The following MYO1F variants were observed in gnomAD, a reference collection of about 807,000 sequenced individuals.
The protein encoded by MYO1F is myosin IF, also known as unconventional myosin-If.
In MYO1F, 60 loss-of-function variants were observed where a neutral mutation model predicts 146.6. The ratio of observed to expected loss-of-function variants is 0.41; its 90% confidence interval spans 0.33 to 0.51. The LOEUF (loss-of-function observed/expected upper bound fraction) is 0.51, where lower values mean the gene tolerates loss of function less well. Among genes scored for constraint, MYO1F ranks in the 20% least tolerant of loss-of-function variants. MYO1F has a pLI of 0.25. For synonymous variants in MYO1F, 602 were observed against 602.1 expected (o/e 1.00, Z 0.00); for missense variants, 1,274 against 1,534.3 (o/e 0.83, Z 2.83).
intron 14 of MYO1F, among the ~76,000 whole-genome samples, chr19:8,543,861 GTGGTGCTGGTGGTGC>G (rs1973161056): frequency 1.0e-4 from 6 of 59,034 alleles, no homozygotes; most frequent in African/African-American, 5.2e-4. Context: ...GGTGGTGCTG[GTGGTGCTGGTGGTGC>G]TGGTGGTGGT....
chr19:8,544,491 G>A (rs547705203), intron 13 of MYO1F, 27 bp from the exon 14 acceptor site: 24 of 1,597,766 alleles, frequency 1.5e-5, no homozygotes, highest in South Asian at 7.7e-5. Flanking sequence ...AGCCAGCAGC[G>A]GCTCAGTTTG....
chr19:8,522,966 G>A (rs928151529), intron 25 of MYO1F, 137 bp from the exon 26 acceptor site: 5 of 712,784 alleles, frequency 7.0e-6, no homozygotes, highest in African/African-American at 1.8e-5. Context: ...TGGGCCAGAC[G>A]GAGGGACTCT....
chr19:8,537,875 T>C (rs975457135), intron 16 of MYO1F, among the ~76,000 whole-genome samples: 1 of 152,188 alleles, frequency 6.6e-6, no homozygotes. Flanking sequence ...ATTACAGGTC[T>C]GAGCCACTGT....
intron 15 of MYO1F, 97 bp downstream of exon 15, chr19:8,541,809 G>T: frequency 1.8e-6 from 2 of 1,115,264 alleles, no homozygotes; most frequent in South Asian, 1.2e-5. Flanking sequence ...AGTTTGTGGC[G>T]AGATGGCAGT....
intron 1 of MYO1F, among the ~76,000 whole-genome samples, chr19:8,568,828 G>A (rs2042057200): frequency 6.6e-6 from 1 of 152,098 alleles, no homozygotes; most frequent in Admixed American, 6.6e-5. Context: ...GGCTGAGGCA[G>A]GGGAATTGCT....
At chr19:8,534,135 C>T (rs906726279) in intron 19 of MYO1F, among the ~76,000 whole-genome samples, 10 of 149,070 alleles carry the variant, frequency 6.7e-5, no homozygotes, top group African/African-American at 2.2e-4. Context: ...GCCAAGATTG[C>T]GCCATTCCAC....
At position 8,539,009 on chromosome 19, in the gene MYO1F, G is replaced by A. The variant is rs140769387; in HGVS notation, c.1692+938C>T. Among the ~76,000 whole-genome samples the A allele has an allele frequency of 2.8e-3, 424 of 152,274 alleles. 1 individual carries two copies. Among genetic ancestry groups the A allele is most frequent in the Non-Finnish European group, 4.6e-3 (314 of 68,026 alleles). ...GGTTAAAATATTATTAGATAGGCTG[G>A]GTACAGTGGCTCACGCCTGTAATCC... On this transcript the variant is annotated intron_variant, in intron 16 of 27. Transcript: ENST00000644032.
intron 25 of MYO1F, among the ~76,000 whole-genome samples, chr19:8,524,003 C>T (rs1305495805): frequency 6.6e-6 from 1 of 150,978 alleles, no homozygotes; most frequent in Non-Finnish European, 1.5e-5. Context: ...CCTGTAGTCC[C>T]AGCTACTCGG....
intron 25 of MYO1F, among the ~76,000 whole-genome samples, chr19:8,524,995 C>T (rs979366193): frequency 6.6e-6 from 1 of 151,854 alleles, no homozygotes; most frequent in Non-Finnish European, 1.5e-5. Context: ...GTCAGGAGTT[C>T]GAGACCAGCC....
At chr19:8,545,789 C>A (rs1195886446) in intron 12 of MYO1F, 53 bp from the exon 13 acceptor site, 2 of 1,309,036 alleles carry the variant, frequency 1.5e-6, no homozygotes, top group East Asian at 2.3e-5. Flanking sequence ...TTGTGGCCAC[C>A]CTTCCCCCCA....
chr19:8,525,248 A>G (rs2145824595), intron 25 of MYO1F: 2 of 334,846 alleles, frequency 6.0e-6, no homozygotes, highest in Non-Finnish European at 1.2e-5. Flanking sequence ...GCAGGAGTGT[A>G]GGGTAGGAGG....
In MYO1F at chr19:8,550,158, G is replaced by A. The variant is rs370637953; in HGVS notation, c.1101+2C>T. On this transcript the variant is annotated splice_donor_variant, in intron 10 of 27. Transcript: ENST00000644032. LOFTEE classifies it low-confidence loss of function (GC_TO_GT_DONOR). The stretch of plus-strand genomic sequence containing the variant: ...CTGCCTTCCAGCCCCAGCCCCACTC[G>A]CCTCCACGAGGAAGTCGAAGAGGCG... 5.1e-5 allele frequency: 83 copies of A among 1,613,672 alleles called. 1 individual carries two copies. The highest frequency in any genetic ancestry group is 1.7e-4 in the Admixed American group (10 of 60,002).
chr19:8,537,842 C>T (rs1972793442), intron 16 of MYO1F, among the ~76,000 whole-genome samples: 1 of 152,140 alleles, frequency 6.6e-6, no homozygotes, highest in African/African-American at 2.4e-5. Context: ...CGATCAACTG[C>T]CTTAGCCTCC....
At position 8,554,806 on chromosome 19, in the gene MYO1F, C is replaced by T. The variant is rs2145926646; in HGVS notation, c.142-63G>A. On this transcript the variant is annotated intron_variant, in intron 2 of 27. Transcript: ENST00000644032. ...GTTTTGTCCTCCCTGTCCCCTCATC[C>T]TGCCCCCACCCAGGGCTTCCTAAAA... The T allele has an allele frequency of 3.5e-6, 5 of 1,446,370 alleles. No homozygotes were observed. The South Asian group carries it at 4.6e-5, about 13-fold the overall frequency. 89.6% of individuals were successfully genotyped at this position (1,446,370 alleles called of 1,614,324 possible).
At chr19:8,533,546 A>G (rs1379732857) in intron 19 of MYO1F, among the ~76,000 whole-genome samples, 1 of 149,906 alleles carries the variant, frequency 6.7e-6, no homozygotes, top group East Asian at 2.0e-4. Flanking sequence ...TTTAGTAGAG[A>G]CATAGTTTTG....
intron 15 of MYO1F, among the ~76,000 whole-genome samples, chr19:8,541,087 G>A (rs1191313265): frequency 6.6e-6 from 1 of 152,012 alleles, no homozygotes; most frequent in African/African-American, 2.4e-5. Context: ...AGGCTCAAGT[G>A]ATCCTTCTAT....
Position 8,544,383 on chromosome 19 carries a change from G to A in MYO1F, c.1438C>T (p.Leu480=). ...CCCACAGCCGCCTGCAGCTTCTGCA[G>A]CAGTGTCTGGTCTGCTCCCCCGCCC... ...ATGGGADQTL[L]QKLQAAVGTH... The change falls in exon 14 of 28, where the codon CTG becomes TTG. Residue 480 remains leucine, a synonymous_variant. Transcript: ENST00000644032. The A allele has an allele frequency of 6.2e-7, 1 of 1,613,152 alleles. No individual in the cohort carries two copies. Among genetic ancestry groups the A allele is most frequent in the South Asian group, 1.1e-5 (1 of 91,076 alleles).
chr19:8,531,731 T>C (rs1972495485), intron 19 of MYO1F, among the ~76,000 whole-genome samples: 1 of 152,210 alleles, frequency 6.6e-6, no homozygotes, highest in Admixed American at 6.5e-5. Context: ...TCTTACACTG[T>C]TACTCGACAC....
intron 16 of MYO1F, among the ~76,000 whole-genome samples, chr19:8,537,520 C>T (rs969527967): frequency 1.1e-4 from 16 of 152,164 alleles, no homozygotes; most frequent in African/African-American, 3.4e-4. Flanking sequence ...TGGCTCACTG[C>T]AACCTCCACC....
Sources: allele counts gnomAD v4.1 joint callset (sites outside exome capture counted in the v4.1 genomes callset), GRCh38; gene constraint gnomAD v4.1.1; transcripts MANE v1.5; gene names NCBI Gene and HGNC (gene_info 2026-07-23, HGNC 2026-07-21).